The following IARS1 variants were observed in gnomAD, a reference collection of about 807,000 sequenced individuals.
The protein encoded by IARS1 is isoleucyl-tRNA synthetase 1, also known as isoleucine--tRNA ligase, cytoplasmic.
A neutral mutation model predicts 168.2 loss-of-function variants in IARS1; 124 were observed. That is an observed-to-expected ratio of 0.74 (90% CI 0.64 to 0.86). The LOEUF (loss-of-function observed/expected upper bound fraction) is 0.86. Among genes scored for constraint, IARS1 ranks in the 40% least tolerant of loss-of-function variants. The pLI, the probability that IARS1 is intolerant of heterozygous loss-of-function variation, is 0.00. For synonymous variants in IARS1, 532 were observed against 529.4 expected, an observed-to-expected ratio of 1.00 and a Z score of -0.07; for missense variants, 1,452 against 1,515.8, an observed-to-expected ratio of 0.96 and a Z score of 0.70.
chr9:92,244,970 A>G lies in IARS1; in HGVS notation c.2893T>C (p.Ser965Pro), dbSNP rs747724905. Reference sequence around the variant, plus strand: ...AAACAGAAAAATACCTGAGCATCTGAGTGTGCTTCAAATTGCGCAGTCCCA... The same window carrying G: ...AAACAGAAAAATACCTGAGCATCTGGGTGTGCTTCAAATTGCGCAGTCCCA... ...TGGTAQFEAHSDAQALVLLDV... is the reference protein window; with the variant it reads ...TGGTAQFEAHPDAQALVLLDV... Residue 965 changes from serine to proline, a missense_variant, in exon 27 of 34, where the codon TCA becomes CCA. By Grantham distance (74) the Ser-to-Pro change is moderately conservative (BLOSUM62 -1). Coordinates refer to ENST00000443024, the MANE Select transcript of IARS1 (RefSeq NM_002161.6). 5 of 1,613,612 alleles carry G rather than the reference A, an allele frequency of 3.1e-6. No individual in the cohort carries two copies. In the Admixed American group the frequency reaches 6.7e-5, roughly 22 times the overall value.
chr9:92,217,890 C>T (rs373882740), intron 33 of IARS1, among the ~76,000 whole-genome samples: 3,490 of 149,974 alleles, frequency 0.023, 63 homozygotes, highest in South Asian at 0.054. Flanking sequence ...TTCCAATCAA[C>T]AGAAAAAGAG....
At chr9:92,280,009 G>C (rs936296671) in intron 7 of IARS1, among the ~76,000 whole-genome samples, 3 of 152,096 alleles carry the variant, frequency 2.0e-5, no homozygotes, top group Admixed American at 2.0e-4. Context: ...TCCACTGTAC[G>C]TAAATACCCT....
chr9:92,257,013 G>A (rs1247114199), intron 19 of IARS1, among the ~76,000 whole-genome samples: 1 of 152,196 alleles, frequency 6.6e-6, no homozygotes, highest in African/African-American at 2.4e-5. Context: ...TGAGTAAACT[G>A]AAGAGAGTTT....
chr9:92,217,033 C>A (rs1298453327), intron 33 of IARS1, among the ~76,000 whole-genome samples: 3 of 148,844 alleles, frequency 2.0e-5, no homozygotes. Flanking sequence ...GTAAAGCTCT[C>A]CTCAGCAAAT....
At chr9:92,285,571 T>C in intron 6 of IARS1, 151 bp downstream of exon 6, 1 of 548,836 alleles carries the variant, frequency 1.8e-6, no homozygotes, top group Admixed American at 3.0e-5. Context: ...ACTGGCAATA[T>C]TTCCAGCACT....
chr9:92,256,150 G>A (rs557827167), intron 20 of IARS1, among the ~76,000 whole-genome samples: 2 of 151,442 alleles, frequency 1.3e-5, no homozygotes, highest in Admixed American at 6.6e-5. Context: ...TTGAGACCAC[G>A]AGGACACCCC....
intron 30 of IARS1, among the ~76,000 whole-genome samples, chr9:92,238,381 T>C (rs981912883): frequency 3.3e-5 from 5 of 152,190 alleles, no homozygotes; most frequent in Non-Finnish European, 7.3e-5. Context: ...CTTGTTGCAG[T>C]AATGAGTGAG....
At chr9:92,245,147 C>T in intron 26 of IARS1, 76 bp from the exon 27 acceptor site, 1 of 1,124,768 alleles carries the variant, frequency 8.9e-7, no homozygotes, top group East Asian at 2.4e-5. Context: ...TATTATGCCC[C>T]TTCTTGATTA....
chr9:92,270,938 C>A, intron 12 of IARS1, 47 bp downstream of exon 12: 1 of 1,308,510 alleles, frequency 7.6e-7, no homozygotes, highest in South Asian at 1.3e-5. Flanking sequence ...TAAGTGTAAG[C>A]ACAGACTGGA....
In IARS1 at chr9:92,274,431, C is replaced by T. The variant is rs748815808; in HGVS notation, c.985G>A (p.Gly329Ser). The T allele has an allele frequency of 1.2e-6, 2 of 1,612,720 alleles. No homozygotes were observed. The highest frequency in any genetic ancestry group is 2.2e-5 in the East Asian group (1 of 44,864). ...GCCAGACTTATGCTACTCACAGCAC[C>T]GAAGTAAGGAGCTTGGTGGACAACC... ...TGVVHQAPYF[G>S]AEDYRVCMDF... The change falls in exon 10 of 34, where the codon GGT (glycine) becomes AGT (serine). Residue 329 changes from glycine (G) to serine (S), a missense_variant. Gly to Ser is a moderately conservative substitution (Grantham distance 56). Coordinates refer to ENST00000443024, the MANE Select transcript of IARS1 (RefSeq NM_002161.6).
intron 10 of IARS1, 134 bp downstream of exon 10, chr9:92,274,292 C>T: frequency 1.6e-6 from 1 of 626,948 alleles, no homozygotes; most frequent in Non-Finnish European, 2.9e-6. Flanking sequence ...GCAAATTTTA[C>T]AAGCCATCTT....
intron 25 of IARS1, 86 bp from the exon 26 acceptor site, chr9:92,247,637 C>T: frequency 2.5e-6 from 3 of 1,189,984 alleles, no homozygotes; most frequent in Non-Finnish European, 3.6e-6. Context: ...AGCATTATTC[C>T]TAACTGCCAG....
At chr9:92,277,674 T>TAA in intron 9 of IARS1, among the ~76,000 whole-genome samples, 189 bp downstream of exon 9, 2 of 143,644 alleles carry the variant, frequency 1.4e-5, no homozygotes, top group East Asian at 4.1e-4. Context: ...ACCCTGTTTT[T>TAA]AAAAAAAAAA....
At chr9:92,259,732 G>T (rs915154007) in intron 18 of IARS1, among the ~76,000 whole-genome samples, 1 of 152,166 alleles carries the variant, frequency 6.6e-6, no homozygotes, top group African/African-American at 2.4e-5. Context: ...TTCTCCAAAA[G>T]CTTTTCAATA....
At chr9:92,253,263 C>A in intron 21 of IARS1, 99 bp downstream of exon 21, 1 of 743,276 alleles carries the variant, frequency 1.3e-6, no homozygotes, top group Non-Finnish European at 2.4e-6. Context: ...AAACGGAGAG[C>A]AACTGAAAAT....
chr9:92,227,051 T>C (rs546793093), intron 31 of IARS1, among the ~76,000 whole-genome samples: 3 of 137,750 alleles, frequency 2.2e-5, no homozygotes, highest in Admixed American at 1.5e-4. Flanking sequence ...ACAAAGCACA[T>C]CTTGCACCGC....
At chr9:92,258,772 C>T in intron 19 of IARS1, 82 bp downstream of exon 19, 1 of 1,407,882 alleles carries the variant, frequency 7.1e-7, no homozygotes, top group Non-Finnish European at 9.5e-7. Context: ...TAAAGTCTCA[C>T]ACAGAGCTCC....
In IARS1 at chr9:92,271,675, AG is replaced by A; in HGVS notation, c.991-21del. On this transcript the variant is annotated intron_variant, in intron 10 of 33. Transcript: ENST00000443024. ...GTCCTCCTGAGAAAAGGCAAAAGAG[AG>A]GGAAGAATAAAACAGTCTATGTATG... 3 of 1,613,664 alleles carry A rather than the reference AG, an allele frequency of 1.9e-6. No individual in the cohort carries two copies. The highest frequency in any genetic ancestry group is 2.5e-6 in the Non-Finnish European group (3 of 1,179,608).
intron 25 of IARS1, among the ~76,000 whole-genome samples, chr9:92,249,053 C>G (rs1182255036): frequency 6.6e-6 from 1 of 152,150 alleles, no homozygotes; most frequent in Non-Finnish European, 1.5e-5. Flanking sequence ...TATGTACACA[C>G]AAAGCTTTTG....
Sources: allele counts gnomAD v4.1 joint callset (sites outside exome capture counted in the v4.1 genomes callset), GRCh38; gene constraint gnomAD v4.1.1; transcripts MANE v1.5; gene names NCBI Gene and HGNC (gene_info 2026-07-23, HGNC 2026-07-21).